SPMAP2L: variants seen among roughly 807,000 people sequenced by gnomAD.
The protein encoded by SPMAP2L is sperm microtubule associated protein 2-like.
At chr4:56,622,616 C>T in the SPMAP2L span, among the ~76,000 whole-genome samples, 2 of 152,286 alleles carry the variant, frequency 1.3e-5, no homozygotes, top group East Asian at 3.9e-4. Flanking sequence ...GTTCTGAGAA[C>T]ATACAGGTTT....
the SPMAP2L span, among the ~76,000 whole-genome samples, chr4:56,578,822 C>T: frequency 1.3e-4 from 20 of 151,658 alleles, no homozygotes; most frequent in Non-Finnish European, 2.9e-4. Context: ...TGCAGTATCT[C>T]ACACCAGCAC....
chr4:56,566,198 T>G, the SPMAP2L span, among the ~76,000 whole-genome samples: 4 of 152,130 alleles, frequency 2.6e-5, no homozygotes, highest in African/African-American at 4.8e-5. Flanking sequence ...ATTTATTTAT[T>G]TACTTATTTA....
the SPMAP2L span, among the ~76,000 whole-genome samples, chr4:56,569,583 G>A: frequency 2.0e-5 from 3 of 152,112 alleles, no homozygotes; most frequent in African/African-American, 7.2e-5. Context: ...GCCCAGGTGG[G>A]TGGATCACTC....
the SPMAP2L span, among the ~76,000 whole-genome samples, chr4:56,621,921 C>T: frequency 6.6e-6 from 1 of 152,062 alleles, no homozygotes. Flanking sequence ...AGAAACATGC[C>T]ATCATACATT....
chr4:56,548,760 A>G, the SPMAP2L span: 3 of 1,450,992 alleles, frequency 2.1e-6, no homozygotes, highest in East Asian at 2.6e-5. Context: ...GTTGAATCTA[A>G]TTTTTGCTTT....
the SPMAP2L span, among the ~76,000 whole-genome samples, chr4:56,590,604 C>G: frequency 1.3e-5 from 2 of 152,214 alleles, no homozygotes; most frequent in Non-Finnish European, 2.9e-5. Flanking sequence ...GCTGATGTCA[C>G]AGGCATGATC....
chr4:56,569,671 G>A, the SPMAP2L span, among the ~76,000 whole-genome samples: 2 of 152,098 alleles, frequency 1.3e-5, no homozygotes, highest in Non-Finnish European at 2.9e-5. Context: ...GCTGGGTATG[G>A]TGGTAAGCAC....
At chr4:56,539,077 G>C in the SPMAP2L span, among the ~76,000 whole-genome samples, 1 of 152,202 alleles carries the variant, frequency 6.6e-6, no homozygotes, top group African/African-American at 2.4e-5. Flanking sequence ...CCTATGGAGT[G>C]CAAAGATGAC....
chr4:56,537,825 T>C, the SPMAP2L span, among the ~76,000 whole-genome samples: 1 of 152,124 alleles, frequency 6.6e-6, no homozygotes, highest in South Asian at 2.1e-4. Flanking sequence ...CCCGAGTAGC[T>C]GGGACTACAG....
chr4:56,542,319 T>A, the SPMAP2L span, among the ~76,000 whole-genome samples: 1 of 152,184 alleles, frequency 6.6e-6, no homozygotes, highest in South Asian at 2.1e-4. Flanking sequence ...TATGGCTCTT[T>A]GTTAAAATTC....
the SPMAP2L span, among the ~76,000 whole-genome samples, chr4:56,617,441 T>C: frequency 6.6e-6 from 1 of 152,082 alleles, no homozygotes; most frequent in East Asian, 1.9e-4. Context: ...CCTGAGCCGG[T>C]GGTAGTGAAA....
the SPMAP2L span, among the ~76,000 whole-genome samples, chr4:56,619,554 G>T: frequency 7.9e-5 from 12 of 152,122 alleles, no homozygotes; most frequent in Non-Finnish European, 1.6e-4. Flanking sequence ...CCATATTGTC[G>T]CATGAGGCAG....
At chr4:56,609,642 G>A in the SPMAP2L span, among the ~76,000 whole-genome samples, 1 of 152,174 alleles carries the variant, frequency 6.6e-6, no homozygotes, top group Non-Finnish European at 1.5e-5. Context: ...CAGTGCAACA[G>A]TATTAAGAGG....
the SPMAP2L span, chr4:56,552,726 G>T: frequency 1.5e-6 from 1 of 672,438 alleles, no homozygotes; most frequent in Non-Finnish European, 2.6e-6. Flanking sequence ...AACCAATATT[G>T]TCACCTCATT....
the SPMAP2L span, chr4:56,559,386 T>C: frequency 1.1e-5 from 17 of 1,502,814 alleles, no homozygotes; most frequent in East Asian, 2.2e-4. Flanking sequence ...GTATGCTTCT[T>C]AACAGAAAAC....
At chr4:56,601,238 A>G in the SPMAP2L span, 31 of 934,020 alleles carry the variant, frequency 3.3e-5, no homozygotes, top group Non-Finnish European at 3.9e-5. Flanking sequence ...CATCTTACTT[A>G]ACGAATTACA....
chr4:56,617,221 A>G, the SPMAP2L span, among the ~76,000 whole-genome samples: 2 of 152,164 alleles, frequency 1.3e-5, no homozygotes, highest in Non-Finnish European at 2.9e-5. Flanking sequence ...TTGTTACTGT[A>G]CTGGATACTG....
the SPMAP2L span, among the ~76,000 whole-genome samples, chr4:56,544,380 T>C: frequency 2.0e-5 from 3 of 152,168 alleles, no homozygotes; most frequent in African/African-American, 7.2e-5. Flanking sequence ...AGCTTGCATA[T>C]ACGGTAACCT....
At chr4:56,612,797 C>T in the SPMAP2L span, among the ~76,000 whole-genome samples, 1 of 151,784 alleles carries the variant, frequency 6.6e-6, no homozygotes, top group Non-Finnish European at 1.5e-5. Flanking sequence ...GAACTCCTGA[C>T]CTCAAGTGAT....
Sources: gnomAD v4.1 joint callset for allele counts (sites outside exome capture counted in the v4.1 genomes callset) on GRCh38, gnomAD v4.1.1 for gene constraint, MANE v1.5 for transcripts, NCBI Gene and HGNC (gene_info 2026-07-23, HGNC 2026-07-21) for gene names.